The following SSBP2 variants were observed in gnomAD, a reference collection of about 807,000 sequenced individuals.
SSBP2 encodes single-stranded DNA-binding protein 2.
A neutral mutation model predicts 61.8 loss-of-function variants in SSBP2; 17 were observed. The observed-to-expected ratio is 0.28, with a 90% CI of 0.19 to 0.41. The LOEUF is 0.41. Ranked by LOEUF, SSBP2 falls within the 10% of genes least tolerant of loss-of-function variation. The pLI is 1.00. For missense variants in SSBP2, 310 were observed against 458.7 expected (o/e 0.68, Z 2.96); for synonymous variants, 139 against 141.3 (o/e 0.98, Z 0.12).
intron 2 of SSBP2, 76 bp downstream of exon 2, chr5:81,650,191 C>A: frequency 9.2e-7 from 1 of 1,088,878 alleles, no homozygotes; most frequent in Non-Finnish European, 1.3e-6. Context: ...AAACTTTTTT[C>A]AAATAATTAT....
chr5:81,579,773 AC>A (rs1774504388), intron 4 of SSBP2, among the ~76,000 whole-genome samples: 1 of 152,238 alleles, frequency 6.6e-6, no homozygotes, highest in Admixed American at 6.5e-5. Context: ...CCTAGATACT[AC>A]CTAGTGAATG....
intron 4 of SSBP2, among the ~76,000 whole-genome samples, chr5:81,601,093 A>G (rs914249304): frequency 6.6e-6 from 1 of 152,230 alleles, no homozygotes; most frequent in Non-Finnish European, 1.5e-5. Context: ...ATTAGTTTTT[A>G]CCAGTATACT....
At chr5:81,457,668 T>A (rs998629391) in intron 10 of SSBP2, among the ~76,000 whole-genome samples, 1 of 152,002 alleles carries the variant, frequency 6.6e-6, no homozygotes, top group African/African-American at 2.4e-5. Context: ...ACACAAAATT[T>A]TTTTTTTTTT....
chr5:81,489,349 A>C (rs998784736), intron 5 of SSBP2, 40 bp from the exon 6 acceptor site: 1 of 1,524,956 alleles, frequency 6.6e-7, no homozygotes, highest in Non-Finnish European at 8.9e-7. Flanking sequence ...AACAAAAAAC[A>C]GTACAATGTA....
At chr5:81,525,855 C>A (rs1363784682) in intron 4 of SSBP2, among the ~76,000 whole-genome samples, 2 of 152,022 alleles carry the variant, frequency 1.3e-5, no homozygotes, top group East Asian at 1.9e-4. Flanking sequence ...GTCTTAGAAT[C>A]CAAAGCACAC....
At chr5:81,722,089 C>A (rs904740590) in intron 1 of SSBP2, among the ~76,000 whole-genome samples, 3 of 152,016 alleles carry the variant, frequency 2.0e-5, no homozygotes, top group Non-Finnish European at 4.4e-5. Flanking sequence ...ATGCTATATG[C>A]CAGGTCCTAT....
chr5:81,547,159 G>A (rs1333847384), intron 4 of SSBP2, among the ~76,000 whole-genome samples: 4 of 151,910 alleles, frequency 2.6e-5, no homozygotes, highest in Non-Finnish European at 5.9e-5. Context: ...CATTGCTGGC[G>A]GAAATGCAAA....
At chr5:81,608,817 CT>C (rs1248805721) in intron 4 of SSBP2, among the ~76,000 whole-genome samples, 1 of 151,854 alleles carries the variant, frequency 6.6e-6, no homozygotes, top group Non-Finnish European at 1.5e-5. Context: ...TATTTTAATG[CT>C]TTTGGAAATG....
intron 1 of SSBP2, among the ~76,000 whole-genome samples, chr5:81,749,173 A>G (rs917340424): frequency 3.9e-5 from 6 of 152,236 alleles, no homozygotes; most frequent in African/African-American, 1.4e-4. Context: ...TCAAAACTTC[A>G]ATTCTAGTAA....
rs570017806 is a variant in SSBP2, at chr5:81,594,300, A to AAT, written c.282+21171_282+21172dup. 5.0e-3 allele frequency among the ~76,000 whole-genome samples: 755 copies of AAT among 152,330 alleles called. 1 individual carries two copies. Among genetic ancestry groups the AAT allele is most frequent in the African/African-American group, 0.017 (708 of 41,572 alleles). ...TCAACAAGAAGAGCTAACTATCCTAAATATATAGGCACCCAATACAGGAGC... is the reference window on the plus strand; with the variant it reads ...TCAACAAGAAGAGCTAACTATCCTAAATATATATAGGCACCCAATACAGGAGC... On this transcript the variant is annotated intron_variant, in intron 4 of 16. Transcript: ENST00000320672.
chr5:81,440,518 G>A (rs749311862), intron 14 of SSBP2, 40 bp downstream of exon 14: 1 of 1,554,378 alleles, frequency 6.4e-7, no homozygotes, highest in South Asian at 1.1e-5. Flanking sequence ...TTAAGGTTTT[G>A]TTATGAATTT....
intron 5 of SSBP2, among the ~76,000 whole-genome samples, chr5:81,506,844 GTTTT>G (rs1768218337): frequency 1.3e-5 from 2 of 151,418 alleles, no homozygotes; most frequent in Non-Finnish European, 3.0e-5. Flanking sequence ...TATATTATTG[GTTTT>G]CTTTTTTAGT....
chr5:81,688,414 G>A (rs1752977401), intron 1 of SSBP2, among the ~76,000 whole-genome samples: 2 of 152,144 alleles, frequency 1.3e-5, no homozygotes, highest in South Asian at 4.1e-4. Flanking sequence ...GAGCCCTAGG[G>A]CCTTGAGCAA....
At chr5:81,636,269 A>G (rs1283795219) in intron 3 of SSBP2, among the ~76,000 whole-genome samples, 2 of 152,194 alleles carry the variant, frequency 1.3e-5, no homozygotes, top group African/African-American at 4.8e-5. Flanking sequence ...CTGCTGTTTA[A>G]GCCACCTATT....
At chr5:81,671,028 T>G (rs919188753) in intron 1 of SSBP2, among the ~76,000 whole-genome samples, 1 of 152,164 alleles carries the variant, frequency 6.6e-6, no homozygotes, top group African/African-American at 2.4e-5. Context: ...ATATCCGACC[T>G]GTACTCCTTA....
chr5:81,710,684 T>C, intron 1 of SSBP2: 1 of 454,060 alleles, frequency 2.2e-6, no homozygotes, highest in Non-Finnish European at 4.4e-6. Context: ...TTACCTCCAA[T>C]ATAATACGAA....
At chr5:81,664,358 G>A (rs572780129) in intron 1 of SSBP2, among the ~76,000 whole-genome samples, 15 of 151,838 alleles carry the variant, frequency 9.9e-5, no homozygotes, top group African/African-American at 3.6e-4. Flanking sequence ...TTCAACTCCT[G>A]ACCTCAAGTG....
At chr5:81,554,466 T>A (rs1168352031) in intron 4 of SSBP2, among the ~76,000 whole-genome samples, 3 of 150,888 alleles carry the variant, frequency 2.0e-5, no homozygotes, top group Non-Finnish European at 4.4e-5. Context: ...AATAATTATA[T>A]ATTTAATTAA....
intron 6 of SSBP2, among the ~76,000 whole-genome samples, chr5:81,482,257 T>C (rs1227255966): frequency 6.6e-6 from 1 of 152,060 alleles, no homozygotes; most frequent in Non-Finnish European, 1.5e-5. Flanking sequence ...TTAATAAGTT[T>C]TAAGGGACCA....
Sources: gnomAD v4.1 joint callset for allele counts (sites outside exome capture counted in the v4.1 genomes callset) on GRCh38, gnomAD v4.1.1 for gene constraint, MANE v1.5 for transcripts, NCBI Gene and HGNC (gene_info 2026-07-23, HGNC 2026-07-21) for gene names.